Variants in AKAP11 observed in about 807,000 individuals in gnomAD.
AKAP11 encodes A-kinase anchoring protein 11.
A neutral mutation model predicts 146.1 loss-of-function variants in AKAP11; 36 were observed. The ratio of observed to expected loss-of-function variants is 0.25; its 90% CI spans 0.19 to 0.33. AKAP11 has a LOEUF of 0.33. Among genes scored for constraint, AKAP11 ranks in the 10% least tolerant of loss-of-function variants. The pLI, the probability that AKAP11 is intolerant of heterozygous loss-of-function variation, is 1.00. For missense variants in AKAP11, 2,201 were observed against 2,197.0 expected, an observed-to-expected ratio of 1.00 and a Z score of -0.04; for synonymous variants, 780 against 786.5, an observed-to-expected ratio of 0.99 and a Z score of 0.14.
intron 6 of AKAP11, among the ~76,000 whole-genome samples, chr13:42,298,304 G>T (rs926302344): frequency 1.1e-4 from 16 of 151,882 alleles, no homozygotes; most frequent in Admixed American, 6.6e-4. Flanking sequence ...CAGGAGACTG[G>T]GTAGAATTTG....
Position 42,323,149 on chromosome 13 carries a change from T to G in AKAP11, c.*3921T>G, listed in dbSNP as rs1961155317. 1 of 152,788 alleles carries G rather than the reference T, an allele frequency of 6.5e-6. No individual in the cohort carries two copies. The highest frequency in any genetic ancestry group is 1.5e-5 in the Non-Finnish European group (1 of 68,040). The allele number at this position is 152,788 out of a possible 1,614,324, so 9.5% of individuals were successfully genotyped here. On this transcript the variant is annotated 3_prime_UTR_variant, in exon 13 of 13. Transcript: ENST00000025301. ...TGTTTCAGCAGTGGCTCAAAAAATT[T>G]CAGAAATTACTTTTGTAATTATTTG...
rs1249040358 is a variant in AKAP11 at position 42,297,836 on chromosome 13, C to T, written c.351+654C>T. ...CTATGTTGTTCTTTATAAGGTCTGC[C>T]AATAAAACTAGAACTGCTTGCTTCA... is the stretch of plus-strand genomic sequence containing the variant. On this transcript the variant is annotated intron_variant, in intron 6 of 12. Transcript: ENST00000025301. Among the ~76,000 whole-genome samples, 3 of 151,838 alleles carry T rather than the reference C, an allele frequency of 2.0e-5. No individual in the cohort carries two copies. The South Asian group carries it at 6.2e-4, about 32-fold the overall frequency.
chr13:42,302,899 A>G lies in AKAP11; in HGVS notation c.4153A>G (p.Lys1385Glu), dbSNP rs1566280411. The G allele has an allele frequency of 6.2e-7, 1 of 1,614,062 alleles. No individual in the cohort carries two copies. Among genetic ancestry groups the G allele is most frequent in the Non-Finnish European group, 8.5e-7 (1 of 1,180,022 alleles). Residue 1385 changes from lysine (K) to glutamate (E), a missense_variant, in exon 8 of 13, where the codon AAG becomes GAG. Physicochemically the swap from Lys to Glu is moderately conservative, Grantham distance 56. Around this residue, in one of 3 missense-constraint regions of AKAP11, gnomAD observed 1,867 missense variants for 1,833.5 expected, o/e 1.02. Coordinates refer to ENST00000025301, the MANE Select transcript of AKAP11 (RefSeq NM_016248.4). ...SVKSGLQEAA[K>E]TTKVQCNSRM... ...TAAATCAGGATTACAGGAAGCAGCT[A>G]AGACAACCAAAGTGCAGTGCAACTC... is the stretch of plus-strand genomic sequence containing the variant.
In AKAP11 at chr13:42,273,278, T is replaced by A. The variant is rs370684952; in HGVS notation, c.-100+1050T>A. ...GGGTATCAGTAATGCACAGATATAT[T>A]TTTTTTAATGTCATCATTTTAGGAT... On this transcript the variant is annotated intron_variant, in intron 1 of 12. Coordinates refer to ENST00000025301, the MANE Select transcript of AKAP11 (RefSeq NM_016248.4). Among the ~76,000 whole-genome samples, 34 of 152,194 alleles carry A rather than the reference T, an allele frequency of 2.2e-4. No individual in the cohort carries two copies. The East Asian group carries it at 2.9e-3, about 13-fold the overall frequency.
intron 12 of AKAP11, among the ~76,000 whole-genome samples, chr13:42,317,922 A>T (rs1347502037): frequency 1.3e-5 from 2 of 152,184 alleles, no homozygotes; most frequent in Non-Finnish European, 2.9e-5. Context: ...AATCTACCTT[A>T]CAGGGGTTTA....
intron 1 of AKAP11, among the ~76,000 whole-genome samples, chr13:42,278,286 A>T (rs575728245): frequency 6.0e-4 from 92 of 152,370 alleles, no homozygotes; most frequent in Non-Finnish European, 1.2e-3. Flanking sequence ...ATTTTATACG[A>T]TTGACTGTTG....
At chr13:42,318,157 T>C (rs1960912164) in intron 12 of AKAP11, among the ~76,000 whole-genome samples, 1 of 152,236 alleles carries the variant, frequency 6.6e-6, no homozygotes, top group African/African-American at 2.4e-5. Flanking sequence ...TAAAAGCCGA[T>C]AAAAGTTTAA....
At position 42,301,292 on chromosome 13, in the gene AKAP11, A is replaced by T; in HGVS notation, c.2546A>T (p.Asp849Val). The change falls in exon 8 of 13, where the codon GAT (aspartate) becomes GTT (valine). Residue 849 changes from aspartate to valine, a missense_variant. Physicochemically the swap from Asp to Val is radical, Grantham distance 152. This residue lies in a region of AKAP11 where 1,867 missense variants were observed against 1,833.5 expected (regional missense o/e 1.02). Coordinates refer to ENST00000025301, the MANE Select transcript of AKAP11 (RefSeq NM_016248.4). ...GAACACAATCCAGGTAATCAGAATG[A>T]TTTTAAACCAACTAATGACGATATT... Reference protein sequence around the residue: ...PSEHNPGNQNDFKPTNDDIEM... With the variant: ...PSEHNPGNQNVFKPTNDDIEM... 1.2e-6 allele frequency: 2 copies of T among 1,613,858 alleles called. No homozygotes were observed. The highest frequency in any genetic ancestry group is 2.7e-5 in the African/African-American group (2 of 75,050).
rs759981501 is a variant in AKAP11 at position 42,295,682 on chromosome 13, G to A, written c.169-13G>A. 6.2e-7 allele frequency: 1 copy of A among 1,611,584 alleles called. No individual in the cohort carries two copies. The highest frequency in any genetic ancestry group is 1.7e-5 in the Admixed American group (1 of 59,968). On this transcript the variant is annotated splice_polypyrimidine_tract_variant and intron_variant, in intron 4 of 12. Transcript: ENST00000025301. ...AATTCAAATTAATGGAGGTTTATTT[G>A]TTCTTTACTCAGGTCACATTTCTGG...
Position 42,295,735 on chromosome 13 carries a change from A to G in AKAP11, c.209A>G (p.His70Arg). The G allele has an allele frequency of 3.1e-6, 5 of 1,609,546 alleles. No individual in the cohort carries two copies. The highest frequency in any genetic ancestry group is 3.4e-6 in the Non-Finnish European group (4 of 1,178,784). ...LGFNEETDAA[H>R]IQDLAAVSLE... ...TTTAATGAAGAGACAGATGCTGCTC[A>G]TATACAGGTATGGTGAATTTTAGCA... The change falls in exon 5 of 13, where the codon CAT becomes CGT. Residue 70 changes from histidine to arginine, a missense_variant. By Grantham distance (29) the His-to-Arg change is conservative. This residue lies in a region of AKAP11 where 331 missense variants were observed against 347.4 expected (regional missense o/e 0.95). Transcript: ENST00000025301.
intron 5 of AKAP11, 149 bp from the exon 6 acceptor site, chr13:42,296,899 G>A: frequency 2.1e-6 from 1 of 484,040 alleles, no homozygotes; most frequent in Non-Finnish European, 3.5e-6. Context: ...AAAATTATCT[G>A]TGAATAATAA....
At chr13:42,280,350 A>C (rs1566254974) in intron 1 of AKAP11, among the ~76,000 whole-genome samples, 1 of 152,244 alleles carries the variant, frequency 6.6e-6, no homozygotes, top group Admixed American at 6.5e-5. Context: ...CATTTGGTCA[A>C]AATGTGTATT....
chr13:42,304,457 T>C (rs1354176848), intron 8 of AKAP11, among the ~76,000 whole-genome samples: 5 of 152,206 alleles, frequency 3.3e-5, no homozygotes, highest in African/African-American at 9.7e-5. Context: ...GTTTCAGACA[T>C]CCACTGGGTG....
chr13:42,308,068 A>G (rs560643368), intron 8 of AKAP11, among the ~76,000 whole-genome samples: 12 of 152,354 alleles, frequency 7.9e-5, no homozygotes, highest in African/African-American at 2.9e-4. Context: ...TCTTAAAGCC[A>G]GAAAGAGACT....
intron 8 of AKAP11, among the ~76,000 whole-genome samples, chr13:42,304,642 C>A (rs754359382): frequency 6.6e-6 from 1 of 152,196 alleles, no homozygotes. Flanking sequence ...AGTGAAAATT[C>A]TTTACATACT....
chr13:42,284,438 C>T (rs566663909), intron 1 of AKAP11, among the ~76,000 whole-genome samples: 4 of 152,294 alleles, frequency 2.6e-5, no homozygotes, highest in African/African-American at 9.6e-5. Flanking sequence ...GCCCACTTGC[C>T]TCTGAGGCTT....
chr13:42,316,493 A>G (rs1375227180), intron 11 of AKAP11, among the ~76,000 whole-genome samples: 2 of 152,240 alleles, frequency 1.3e-5, no homozygotes, highest in East Asian at 3.8e-4. Context: ...TGATGAAAAC[A>G]TAATTATCAT....
chr13:42,305,891 T>C (rs1230902048), intron 8 of AKAP11, among the ~76,000 whole-genome samples: 1 of 152,168 alleles, frequency 6.6e-6, no homozygotes, highest in Non-Finnish European at 1.5e-5. Flanking sequence ...AGCAAGTGTT[T>C]TCTTCACAAG....
intron 8 of AKAP11, 130 bp from the exon 9 acceptor site, chr13:42,308,324 A>G (rs1324014286): frequency 2.8e-6 from 2 of 708,836 alleles, no homozygotes; most frequent in South Asian, 2.2e-5. Flanking sequence ...AAAGGATTAC[A>G]TGAGCCACTG....
Sources: allele counts gnomAD v4.1 joint callset (sites outside exome capture counted in the v4.1 genomes callset), GRCh38; gene constraint gnomAD v4.1.1; regional missense constraint gnomAD v4.1.1; transcripts MANE v1.5; gene names NCBI Gene and HGNC (gene_info 2026-07-23, HGNC 2026-07-21).